ERAL1: variants seen among roughly 807,000 people sequenced by gnomAD.
The protein encoded by ERAL1 is Era like 12S mitochondrial rRNA chaperone 1, also known as GTPase Era, mitochondrial.
Under a neutral mutation model 53.6 loss-of-function variants are expected in ERAL1, and 36 were observed. The observed-to-expected ratio is 0.67, with a 90% confidence interval of 0.51 to 0.89. ERAL1 has a LOEUF of 0.89. ERAL1 is among the 40% of genes least tolerant of loss of function. The probability of loss-of-function intolerance (pLI) is 0.00; values close to 1 mark genes in which losing one functional copy is unlikely to be tolerated. For missense variants in ERAL1, 512 were observed against 537.5 expected (o/e 0.95, Z 0.47); for synonymous variants, 215 against 211.8 (o/e 1.02, Z -0.13).
At chr17:28,858,508 A>G (rs368656817) in intron 6 of ERAL1, 22 bp downstream of exon 6, 2 of 1,613,968 alleles carry the variant, frequency 1.2e-6, no homozygotes, top group Non-Finnish European at 1.7e-6. Flanking sequence ...CCACCTGAGG[A>G]AGGGGTCTAC....
rs1325850783 is a variant in ERAL1 at position 28,860,194 on chromosome 17, C to T, written c.1192-237C>T. ...ATTTCACCATGTTGGCCAGGCTGGT[C>T]TCGAACTCCTGACCTCAGGTGATCT... On this transcript the variant is annotated intron_variant, in intron 9 of 9. Coordinates refer to ENST00000254928, the MANE Select transcript of ERAL1 (RefSeq NM_005702.4). Among the ~76,000 whole-genome samples, 3 of 152,070 alleles carry T rather than the reference C, an allele frequency of 2.0e-5. No individual in the cohort carries two copies. The East Asian group carries it at 5.8e-4, about 29-fold the overall frequency.
In ERAL1 at chr17:28,856,284, G is replaced by C. The variant is rs780960133; in HGVS notation, c.304G>C (p.Val102Leu). The change falls in exon 2 of 10, where the codon GTC (valine) becomes CTC (leucine). Residue 102 changes from valine to leucine, a missense_variant. Val to Leu is a conservative substitution (Grantham distance 32). Transcript: ENST00000254928. ...CATAGATGAGCAGGATGTCCTCTTG[G>C]TCCATCACCCTGATATGCCTGAGAA... ...MNRDEQDVLL[V>L]HHPDMPENSR... The C allele has an allele frequency of 2.5e-6, 4 of 1,613,990 alleles. No homozygotes were observed. Among genetic ancestry groups the C allele is most frequent in the Non-Finnish European group, 3.4e-6 (4 of 1,179,958 alleles).
intron 9 of ERAL1, among the ~76,000 whole-genome samples, 180 bp downstream of exon 9, chr17:28,859,463 A>T (rs1320762332): frequency 6.6e-6 from 1 of 151,562 alleles, no homozygotes; most frequent in Admixed American, 6.6e-5. Context: ...ATCACAGTTC[A>T]CTGCAGCCTT....
chr17:28,860,817 C>T lies in ERAL1; in HGVS notation c.*264C>T. On this transcript the variant is annotated 3_prime_UTR_variant, in exon 10 of 10. Coordinates refer to ENST00000254928, the MANE Select transcript of ERAL1 (RefSeq NM_005702.4). ...CAAAGGTGTAGCTAAGAAGATGGCCCATTGGTGGGAGCAATGTCACCCTGC... is the reference window on the plus strand; with the variant it reads ...CAAAGGTGTAGCTAAGAAGATGGCCTATTGGTGGGAGCAATGTCACCCTGC... The T allele has an allele frequency of 3.7e-6, 1 of 268,190 alleles. No homozygotes were observed. The highest frequency in any genetic ancestry group is 6.9e-6 in the Non-Finnish European group (1 of 144,286). 16.6% of individuals were successfully genotyped at this position (268,190 alleles called of 1,614,324 possible).
chr17:28,859,150 C>T, intron 8 of ERAL1, 37 bp downstream of exon 8: 1 of 1,614,166 alleles, frequency 6.2e-7, no homozygotes, highest in Middle Eastern at 1.6e-4. Context: ...CTCTATCAGA[C>T]ACACACCTCT....
At chr17:28,856,716 T>A in intron 3 of ERAL1, 134 bp downstream of exon 3, 1 of 441,414 alleles carries the variant, frequency 2.3e-6, no homozygotes, top group Non-Finnish European at 3.8e-6. Flanking sequence ...TTCTTTTTCT[T>A]TTTTTTTTTT....
chr17:28,859,031 C>T lies in ERAL1; in HGVS notation c.1028C>T (p.Thr343Ile). The change falls in exon 8 of 10, where the codon ACA (threonine) becomes ATA (isoleucine). Residue 343 changes from threonine (T) to isoleucine (I), a missense_variant. Physicochemically the swap from Thr to Ile is moderately conservative, Grantham distance 89. Coordinates refer to ENST00000254928, the MANE Select transcript of ERAL1 (RefSeq NM_005702.4). Reference sequence around the variant, plus strand: ...CACAGTGCAGTCCTCACTAGCCAGACACCAGAAGAGATCTGTGCCAACATT... The same window carrying T: ...CACAGTGCAGTCCTCACTAGCCAGATACCAGAAGAGATCTGTGCCAACATT... ...EYHSAVLTSQ[T>I]PEEICANIIR... The T allele has an allele frequency of 6.2e-7, 1 of 1,614,236 alleles. No individual in the cohort carries two copies. The highest frequency in any genetic ancestry group is 8.5e-7 in the Non-Finnish European group (1 of 1,180,050).
rs150942844 is a variant in ERAL1 at position 28,856,343 on chromosome 17, C to G, written c.363C>G (p.Ala121=). The change falls in exon 2 of 10, where the codon GCC becomes GCG. Residue 121 remains alanine (A), a synonymous_variant. Transcript: ENST00000254928. ...TCCTACGAGTGGTCCTCCTGGGAGC[C>G]CCGAATGCAGGGAAGTCAACACTCT... The part of the protein sequence containing the change: ...SRVLRVVLLG[A]PNAGKSTLSN... The G allele has an allele frequency of 3.1e-6, 5 of 1,614,000 alleles. No individual in the cohort carries two copies. The African/African-American group carries it at 5.3e-5, about 17-fold the overall frequency.
At chr17:28,859,622 C>T (rs1311911507) in intron 9 of ERAL1, among the ~76,000 whole-genome samples, 2 of 152,046 alleles carry the variant, frequency 1.3e-5, no homozygotes, top group African/African-American at 4.8e-5. Flanking sequence ...TCACTGCAAC[C>T]TCCGCCTCCC....
rs566231746 is a variant in ERAL1, at chr17:28,855,086, G to A, written c.52G>A (p.Val18Ile). The stretch of plus-strand genomic sequence containing the variant: ...TAGGCTTGTTCAATCGGTGTTAAGA[G>A]TCTGGCAGGTGGGCCCTCATGTCGC... ...GARLVQSVLRVWQVGPHVARE... is the reference protein window; with the variant it reads ...GARLVQSVLRIWQVGPHVARE... The change falls in exon 1 of 10, where the codon GTC becomes ATC. Residue 18 changes from valine (V) to isoleucine (I), a missense_variant. By Grantham distance (29) the Val-to-Ile change is conservative. Transcript: ENST00000254928. The A allele has an allele frequency of 5.0e-6, 8 of 1,614,116 alleles. No individual in the cohort carries two copies. Among genetic ancestry groups the A allele is most frequent in the African/African-American group, 1.3e-5 (1 of 75,072 alleles).
rs1355398323 is a variant in ERAL1 at position 28,858,697 on chromosome 17, G to A, written c.833G>A (p.Cys278Tyr). 1 of 1,614,144 alleles carries A rather than the reference G, an allele frequency of 6.2e-7. No homozygotes were observed. Among genetic ancestry groups the A allele is most frequent in the African/African-American group, 1.3e-5 (1 of 75,026 alleles). ...QAFHSHPGTH[C>Y]PSPAVKDPNT... Reference sequence around the variant, plus strand: ...TTCCACTCACACCCTGGCACCCATTGCCCCAGCCCAGCAGTTAAGGACCCA... The same window carrying A: ...TTCCACTCACACCCTGGCACCCATTACCCCAGCCCAGCAGTTAAGGACCCA... The change falls in exon 7 of 10, where the codon TGC becomes TAC. Residue 278 changes from cysteine (C) to tyrosine (Y), a missense_variant. By Grantham distance (194) the Cys-to-Tyr change is radical. Coordinates refer to ENST00000254928, the MANE Select transcript of ERAL1 (RefSeq NM_005702.4).
rs1208150021 is a variant in ERAL1, at chr17:28,855,072, A to G, written c.38A>G (p.Gln13Arg). 2 of 1,612,184 alleles carry G rather than the reference A, an allele frequency of 1.2e-6. No homozygotes were observed. Among genetic ancestry groups the G allele is most frequent in the Admixed American group, 1.7e-5 (1 of 59,824 alleles). The change falls in exon 1 of 10, where the codon CAA becomes CGA. Residue 13 changes from glutamine to arginine, a missense_variant. By Grantham distance (43) the Gln-to-Arg change is conservative (BLOSUM62 1). Coordinates refer to ENST00000254928, the MANE Select transcript of ERAL1 (RefSeq NM_005702.4). ...APSWRGARLV[Q>R]SVLRVWQVGP... ...AGCTGGCGCGGGGCTAGGCTTGTTC[A>G]ATCGGTGTTAAGAGTCTGGCAGGTG...
At position 28,855,226 on chromosome 17, in the gene ERAL1, T is replaced by TGGC; in HGVS notation, c.193_195dup (p.Gly65dup). The TGGC allele has an allele frequency of 6.2e-7, 1 of 1,614,262 alleles. No individual in the cohort carries two copies. On this transcript the variant is annotated inframe_insertion, in exon 1 of 10. Transcript: ENST00000254928. The stretch of plus-strand genomic sequence containing the variant: ...GCTTGGCCTCGGCTTCTCGCAGTAA[T>TGGC]GGCCAGGGCTCTGCCCTGGACCACT...
At position 28,856,399 on chromosome 17, in the gene ERAL1, A is replaced by G; in HGVS notation, c.411+8A>G. On this transcript the variant is annotated splice_region_variant and intron_variant, in intron 2 of 9. Transcript: ENST00000254928. ...CAGCTACTGGGCCGAAAGGTATGCT[A>G]CACCCTTGACCATCCTACCCTTTAC... 6.2e-7 allele frequency: 1 copy of G among 1,613,876 alleles called. No homozygotes were observed.
Position 28,860,561 on chromosome 17 carries a change from C to G in ERAL1, c.*8C>G. 1 of 1,595,354 alleles carries G rather than the reference C, an allele frequency of 6.3e-7. No individual in the cohort carries two copies. The highest frequency in any genetic ancestry group is 8.5e-7 in the Non-Finnish European group (1 of 1,172,866). On this transcript the variant is annotated 3_prime_UTR_variant, in exon 10 of 10. Transcript: ENST00000254928. ...GTGAAGCTCCTCAAGTGACCACCCTCTACTGACCCTCCCAGGGCATTCCAG... is the reference window on the plus strand; with the variant it reads ...GTGAAGCTCCTCAAGTGACCACCCTGTACTGACCCTCCCAGGGCATTCCAG...
intron 3 of ERAL1, among the ~76,000 whole-genome samples, chr17:28,857,014 A>G (rs1036149745): frequency 2.0e-5 from 3 of 151,138 alleles, no homozygotes; most frequent in Non-Finnish European, 4.4e-5. Context: ...CCTGGCCAGG[A>G]AAGGGGGTTT....
intron 6 of ERAL1, 39 bp downstream of exon 6, chr17:28,858,525 C>T (rs2039268556): frequency 5.6e-6 from 9 of 1,614,060 alleles, no homozygotes; most frequent in Non-Finnish European, 7.6e-6. Context: ...CTACTTCCCT[C>T]CAAGTCCCCT....
intron 1 of ERAL1, 143 bp downstream of exon 1, chr17:28,855,460 G>A (rs751666467): frequency 8.1e-4 from 781 of 968,808 alleles, no homozygotes; most frequent in Middle Eastern, 2.5e-3. Flanking sequence ...TCTCAGGAGA[G>A]AAATAACAGT....
intron 3 of ERAL1, 108 bp downstream of exon 3, chr17:28,856,690 G>A (rs1415819649): frequency 1.0e-6 from 1 of 952,734 alleles, no homozygotes; most frequent in Non-Finnish European, 1.6e-6. Context: ...ATTTATGTGA[G>A]GAAAGGGGGT....
Sources: allele counts gnomAD v4.1 joint callset (sites outside exome capture counted in the v4.1 genomes callset), GRCh38; gene constraint gnomAD v4.1.1; transcripts MANE v1.5; gene names NCBI Gene and HGNC (gene_info 2026-07-23, HGNC 2026-07-21).